GBE1: variants seen among roughly 807,000 people sequenced by gnomAD.
GBE1 encodes the protein 1,4-alpha-glucan-branching enzyme.
GBE1 carries 70 observed loss-of-function variants against 88.8 expected under a neutral mutation model. The observed-to-expected ratio is 0.79, with a 90% CI of 0.65 to 0.96. The LOEUF (loss-of-function observed/expected upper bound fraction) is 0.96. Ranked by LOEUF, GBE1 falls within the 40% of genes least tolerant of loss-of-function variation. The probability of loss-of-function intolerance (pLI) is 0.00; values close to 1 mark genes in which losing one functional copy is unlikely to be tolerated. For synonymous variants in GBE1, 284 were observed against 300.1 expected (o/e 0.95, Z 0.56); for missense variants, 872 against 871.0 (o/e 1.00, Z -0.01).
intron 6 of GBE1, among the ~76,000 whole-genome samples, chr3:81,643,351 C>A (rs1165247611): frequency 6.6e-6 from 1 of 152,068 alleles, no homozygotes; most frequent in Admixed American, 6.6e-5. Flanking sequence ...ACAGGGTGTA[C>A]ATTTGAGATT....
At chr3:81,530,441 A>T (rs1702997216) in intron 14 of GBE1, among the ~76,000 whole-genome samples, 1 of 151,888 alleles carries the variant, frequency 6.6e-6, no homozygotes, top group Non-Finnish European at 1.5e-5. Context: ...TGTAGCCTTC[A>T]TGGGTCAGCC....
intron 15 of GBE1, among the ~76,000 whole-genome samples, chr3:81,497,246 C>T (rs1043756608): frequency 1.3e-5 from 2 of 152,102 alleles, no homozygotes; most frequent in East Asian, 3.8e-4. Flanking sequence ...GAGTCTGAGC[C>T]GTCGCCTAAG....
At chr3:81,594,516 T>A (rs1392026687) in intron 7 of GBE1, among the ~76,000 whole-genome samples, 1 of 152,084 alleles carries the variant, frequency 6.6e-6, no homozygotes, top group Non-Finnish European at 1.5e-5. Flanking sequence ...TGACTTTTTG[T>A]TTAAAATATT....
At chr3:81,760,964 T>C (rs1024682082) in intron 1 of GBE1, among the ~76,000 whole-genome samples, 10 of 152,240 alleles carry the variant, frequency 6.6e-5, no homozygotes, top group Admixed American at 6.5e-4. Context: ...AAATGCGTAA[T>C]TACACGTGCC....
intron 2 of GBE1, among the ~76,000 whole-genome samples, chr3:81,686,479 G>A (rs1196166356): frequency 3.3e-5 from 5 of 152,084 alleles, no homozygotes; most frequent in Non-Finnish European, 7.4e-5. Flanking sequence ...GACACTGGCC[G>A]GGCGCAGTGA....
At chr3:81,556,252 A>G (rs920586208) in intron 12 of GBE1, among the ~76,000 whole-genome samples, 4 of 152,148 alleles carry the variant, frequency 2.6e-5, no homozygotes, top group African/African-American at 9.6e-5. Flanking sequence ...TCAAATAAAC[A>G]TAATATATTC....
chr3:81,513,756 CTGT>C (rs1176523017), intron 14 of GBE1, among the ~76,000 whole-genome samples: 1 of 151,070 alleles, frequency 6.6e-6, no homozygotes, highest in Admixed American at 6.6e-5. Context: ...GTGGGCGACA[CTGT>C]TGTTAAGCCT....
chr3:81,709,963 G>A (rs1331415263), intron 1 of GBE1, among the ~76,000 whole-genome samples: 1 of 151,972 alleles, frequency 6.6e-6, no homozygotes, highest in Non-Finnish European at 1.5e-5. Flanking sequence ...ACTACTACAG[G>A]AACTAGCATT....
intron 3 of GBE1, chr3:81,654,566 GCA>G (rs1342240652): frequency 2.6e-5 from 4 of 152,050 alleles, no homozygotes; most frequent in South Asian, 2.1e-4. Flanking sequence ...AACAGAAAAC[GCA>G]CAGTTATTGA....
At chr3:81,581,307 G>T in intron 10 of GBE1, 32 bp from the exon 11 acceptor site, 1 of 1,172,550 alleles carries the variant, frequency 8.5e-7, no homozygotes, top group Non-Finnish European at 1.2e-6. Flanking sequence ...AAGCTTCTGA[G>T]TAAAGCATTA....
intron 7 of GBE1, among the ~76,000 whole-genome samples, chr3:81,620,350 T>G (rs2107011609): frequency 6.6e-6 from 1 of 152,008 alleles, no homozygotes; most frequent in African/African-American, 2.4e-5. Flanking sequence ...GCCCGGCCAT[T>G]TTTTTGTATT....
intron 7 of GBE1, chr3:81,612,220 T>TAAAAAAAAAAA: frequency 1.7e-5 from 4 of 240,398 alleles, no homozygotes; most frequent in South Asian, 4.3e-5. Context: ...CACGCTCCTT[T>TAAAAAAAAAAA]AAAAAAAAAA....
chr3:81,558,332 A>G (rs1486596037), intron 12 of GBE1, among the ~76,000 whole-genome samples: 1 of 151,990 alleles, frequency 6.6e-6, no homozygotes, highest in Admixed American at 6.6e-5. Flanking sequence ...ACCCTAAAAA[A>G]GACGACATTT....
At chr3:81,677,461 T>C (rs185957413) in intron 2 of GBE1, among the ~76,000 whole-genome samples, 405 of 152,338 alleles carry the variant, frequency 2.7e-3, no homozygotes, top group Non-Finnish European at 4.5e-3. Context: ...CATCATATGA[T>C]GTCATTTAAT....
chr3:81,704,815 A>G (rs886290962), intron 2 of GBE1, among the ~76,000 whole-genome samples: 4 of 152,064 alleles, frequency 2.6e-5, no homozygotes, highest in Non-Finnish European at 5.9e-5. Flanking sequence ...AGTTATTTAC[A>G]TTACAGTCCT....
rs116324935 is a variant in GBE1, at chr3:81,754,053, C to T, written c.143+7322G>A. Reference sequence around the variant, plus strand: ...TGCAGACAACATGATTATATACCTACAAAAACATAAAGACTCCACCCAAAA... The same window carrying T: ...TGCAGACAACATGATTATATACCTATAAAAACATAAAGACTCCACCCAAAA... On this transcript the variant is annotated intron_variant, in intron 1 of 15. Coordinates refer to ENST00000429644, the MANE Select transcript of GBE1 (RefSeq NM_000158.4). Among the ~76,000 whole-genome samples the T allele has an allele frequency of 4.1e-3, 624 of 152,178 alleles. 9 individuals are homozygous for T. The highest frequency in any genetic ancestry group is 0.014 in the Middle Eastern group (4 of 294).
intron 2 of GBE1, among the ~76,000 whole-genome samples, chr3:81,681,970 A>G (rs1404801751): frequency 1.3e-5 from 2 of 152,260 alleles, no homozygotes; most frequent in South Asian, 2.1e-4. Context: ...AAAGGACACT[A>G]TCAAGAAAGT....
At chr3:81,586,994 G>T (rs1404741829) in intron 9 of GBE1, among the ~76,000 whole-genome samples, 1 of 151,978 alleles carries the variant, frequency 6.6e-6, no homozygotes, top group Non-Finnish European at 1.5e-5. Flanking sequence ...GTTTCATCAT[G>T]TTGGCCAGGC....
chr3:81,561,654 G>A (rs11917558), intron 12 of GBE1, among the ~76,000 whole-genome samples: 53,189 of 151,686 alleles, frequency 0.35, 9,930 homozygotes, highest in African/African-American at 0.49. Context: ...AGTTTGAGGT[G>A]ACAGCCCCTT....
Sources: gnomAD v4.1 joint callset for allele counts (sites outside exome capture counted in the v4.1 genomes callset) on GRCh38, gnomAD v4.1.1 for gene constraint, MANE v1.5 for transcripts, NCBI Gene and HGNC (gene_info 2026-07-23, HGNC 2026-07-21) for gene names.